The following SAMD12 variants were observed in gnomAD, a reference collection of about 807,000 sequenced individuals.
SAMD12 encodes the protein sterile alpha motif domain-containing protein 12.
Under a neutral mutation model 15.0 loss-of-function variants are expected in SAMD12, and 9 were observed. The ratio of observed to expected loss-of-function variants is 0.60; its 90% CI spans 0.36 to 1.05. SAMD12 has a LOEUF of 1.05. Ranked by LOEUF, SAMD12 falls within the 50% of genes least tolerant of loss-of-function variation. The pLI is 0.01. For missense variants in SAMD12, 230 were observed against 234.2 expected (o/e 0.98, Z 0.12); for synonymous variants, 86 against 90.1 (o/e 0.96, Z 0.25).
chr8:118,135,592 G>C, the SAMD12 span, among the ~76,000 whole-genome samples: 2 of 152,072 alleles, frequency 1.3e-5, no homozygotes, highest in African/African-American at 4.8e-5. Context: ...ACCCAGGCTG[G>C]AGTGCAGTGG....
chr8:118,289,378 C>T (rs189847815), intron 4 of SAMD12, among the ~76,000 whole-genome samples: 1 of 152,104 alleles, frequency 6.6e-6, no homozygotes, highest in African/African-American at 2.4e-5. Flanking sequence ...CAAATGTCCC[C>T]CTGAAGCAGC....
chr8:118,441,689 A>T (rs570957877), intron 2 of SAMD12, among the ~76,000 whole-genome samples: 1 of 152,154 alleles, frequency 6.6e-6, no homozygotes, highest in Non-Finnish European at 1.5e-5. Context: ...TGGGACTGAC[A>T]TTTCTTCCAC....
intron 4 of SAMD12, among the ~76,000 whole-genome samples, chr8:118,293,107 T>TA (rs113192778): frequency 0.023 from 2,352 of 101,844 alleles, 57 homozygotes; most frequent in South Asian, 0.066. Context: ...AATTGGGCAT[T>TA]TTTTTTTTCT....
chr8:118,511,462 TA>T (rs969239542), intron 2 of SAMD12, among the ~76,000 whole-genome samples: 23 of 151,776 alleles, frequency 1.5e-4, no homozygotes, highest in African/African-American at 5.3e-4. Flanking sequence ...GTTTTTTTTT[TA>T]AATGTACGTG....
intron 2 of SAMD12, among the ~76,000 whole-genome samples, chr8:118,494,211 G>C (rs779062529): frequency 8.5e-5 from 13 of 152,200 alleles, no homozygotes; most frequent in Non-Finnish European, 1.5e-4. Context: ...AGCTGGAAGA[G>C]ACAAAGCAGT....
intron 4 of SAMD12, among the ~76,000 whole-genome samples, chr8:118,271,526 A>C (rs995224317): frequency 7.9e-5 from 12 of 152,126 alleles, no homozygotes; most frequent in Admixed American, 1.3e-4. Context: ...AGTCCCCCAA[A>C]GTCTTAACTC....
At chr8:118,349,493 A>G (rs987456946) in intron 4 of SAMD12, among the ~76,000 whole-genome samples, 1 of 152,208 alleles carries the variant, frequency 6.6e-6, no homozygotes, top group Non-Finnish European at 1.5e-5. Context: ...TAGGTTTGTC[A>G]TGTCCATAAC....
At chr8:118,256,779 TACACACACACACACACACACACACACAC>T (rs3052764) in intron 4 of SAMD12, among the ~76,000 whole-genome samples, 2 of 139,776 alleles carry the variant, frequency 1.4e-5, no homozygotes, top group Non-Finnish European at 3.1e-5. Context: ...CTGCATAAGA[TACACACACACACACACACACACACACAC>T]ACACACACAC....
chr8:118,230,937 G>C (rs987296519), intron 4 of SAMD12, among the ~76,000 whole-genome samples: 1 of 152,118 alleles, frequency 6.6e-6, no homozygotes, highest in African/African-American at 2.4e-5. Context: ...GTTTTAAGCA[G>C]AGAAGTGATG....
intron 3 of SAMD12, among the ~76,000 whole-genome samples, chr8:118,414,697 TA>T (rs1205192737): frequency 6.6e-6 from 1 of 152,152 alleles, no homozygotes; most frequent in East Asian, 1.9e-4. Context: ...ATATTAGTCA[TA>T]AAAAATTGGC....
Position 118,602,248 on chromosome 8 carries a change from G to A in SAMD12, c.13+19556C>T, listed in dbSNP as rs549445269. 5.9e-5 allele frequency among the ~76,000 whole-genome samples: 9 copies of A among 152,294 alleles called. No homozygotes were observed. In the South Asian group the frequency reaches 8.3e-4, roughly 14 times the overall value. Reference sequence around the variant, plus strand: ...CTTTGTCAAATCTGAGTGTGTACACGTGCACTACAGCACTAGAATGGGACT... The same window carrying A: ...CTTTGTCAAATCTGAGTGTGTACACATGCACTACAGCACTAGAATGGGACT... On this transcript the variant is annotated intron_variant, in intron 1 of 3. Transcript: ENST00000314727.
chr8:118,172,747 C>T, the SAMD12 span, among the ~76,000 whole-genome samples: 1 of 151,940 alleles, frequency 6.6e-6, no homozygotes, highest in South Asian at 2.1e-4. Flanking sequence ...CCTCTCTTTC[C>T]TTTTTTTTGT....
intron 2 of SAMD12, among the ~76,000 whole-genome samples, chr8:118,505,937 G>T (rs1465894267): frequency 6.6e-6 from 1 of 151,940 alleles, no homozygotes; most frequent in Non-Finnish European, 1.5e-5. Context: ...GATATTCCTT[G>T]GTGCCCTGGA....
intron 4 of SAMD12, among the ~76,000 whole-genome samples, chr8:118,263,163 G>C (rs998060203): frequency 6.6e-6 from 1 of 152,010 alleles, no homozygotes; most frequent in Non-Finnish European, 1.5e-5. Context: ...CCCTTTCTTA[G>C]TTTTCCTGTT....
intron 4 of SAMD12, among the ~76,000 whole-genome samples, chr8:118,251,104 A>C (rs1200966287): frequency 6.6e-6 from 1 of 152,112 alleles, no homozygotes; most frequent in Non-Finnish European, 1.5e-5. Flanking sequence ...GGTCATAGGT[A>C]TGTGCATAGG....
intron 2 of SAMD12, among the ~76,000 whole-genome samples, chr8:118,550,900 T>A (rs1337978381): frequency 1.3e-5 from 2 of 149,588 alleles, no homozygotes; most frequent in African/African-American, 2.5e-5. Flanking sequence ...TAAAACAGAC[T>A]TTAAACCAAC....
intron 3 of SAMD12, among the ~76,000 whole-genome samples, chr8:118,427,268 T>C (rs776216795): frequency 3.9e-5 from 6 of 152,182 alleles, no homozygotes; most frequent in Non-Finnish European, 5.9e-5. Context: ...GGATAACACG[T>C]TCATCTTTTC....
intron 2 of SAMD12, among the ~76,000 whole-genome samples, chr8:118,530,931 T>A (rs943474459): frequency 6.6e-5 from 10 of 152,344 alleles, no homozygotes; most frequent in Admixed American, 1.3e-4. Context: ...ATTCTTGAAC[T>A]CCTGGGCTCA....
At chr8:118,543,415 A>C (rs1301427736) in intron 2 of SAMD12, among the ~76,000 whole-genome samples, 1 of 152,116 alleles carries the variant, frequency 6.6e-6, no homozygotes, top group African/African-American at 2.4e-5. Context: ...CAAAGCCTAA[A>C]GTGATCAAAC....
Sources: allele counts gnomAD v4.1 joint callset (sites outside exome capture counted in the v4.1 genomes callset), GRCh38; gene constraint gnomAD v4.1.1; transcripts MANE v1.5; gene names NCBI Gene and HGNC (gene_info 2026-07-23, HGNC 2026-07-21).